The following PTPRD variants were observed in gnomAD, a reference collection of about 807,000 sequenced individuals.
PTPRD encodes protein tyrosine phosphatase receptor type D, also known as receptor-type tyrosine-protein phosphatase delta.
Under a neutral mutation model 214.5 loss-of-function variants are expected in PTPRD, and 34 were observed. That is an observed-to-expected ratio of 0.16 (90% CI 0.12 to 0.21). The LOEUF (loss-of-function observed/expected upper bound fraction) is 0.21. Ranked by LOEUF, PTPRD falls within the 10% of genes least tolerant of loss-of-function variation. PTPRD has a pLI of 1.00. For missense variants in PTPRD, 2,545 were observed against 2,398.7 expected, an observed-to-expected ratio of 1.06 and a Z score of -1.27; for synonymous variants, 1,128 against 845.7, an observed-to-expected ratio of 1.33 and a Z score of -5.79.
At chr9:9,054,125 T>C (rs2099691877) in intron 10 of PTPRD, among the ~76,000 whole-genome samples, 5 of 152,200 alleles carry the variant, frequency 3.3e-5, no homozygotes, top group African/African-American at 7.2e-5. Context: ...GTGAAGCATT[T>C]GCCTGCATCA....
At chr9:10,018,290 C>T (rs573944024) in intron 4 of PTPRD, among the ~76,000 whole-genome samples, 26 of 151,804 alleles carry the variant, frequency 1.7e-4, no homozygotes, top group African/African-American at 6.3e-4. Context: ...GGGATTTTTC[C>T]CTTTCTATCT....
At chr9:10,350,928 G>C in intron 2 of PTPRD, among the ~76,000 whole-genome samples, 1 of 152,066 alleles carries the variant, frequency 6.6e-6, no homozygotes, top group Non-Finnish European at 1.5e-5. Context: ...TCATAAAATG[G>C]TGATGATATA....
chr9:10,418,918 G>C (rs145753900), intron 2 of PTPRD, among the ~76,000 whole-genome samples: 81 of 151,952 alleles, frequency 5.3e-4, no homozygotes, highest in African/African-American at 1.9e-3. Context: ...AGAGGGCCTA[G>C]AGCTGGATCT....
chr9:10,563,433 C>T (rs1223570907), intron 2 of PTPRD, among the ~76,000 whole-genome samples: 3 of 152,150 alleles, frequency 2.0e-5, no homozygotes, highest in African/African-American at 7.2e-5. Context: ...TGTACCCCAA[C>T]AGTCCTAAGA....
At chr9:10,525,324 C>A (rs2053911211) in intron 2 of PTPRD, among the ~76,000 whole-genome samples, 1 of 151,978 alleles carries the variant, frequency 6.6e-6, no homozygotes, top group Non-Finnish European at 1.5e-5. Flanking sequence ...AATGGTTGAA[C>A]AGGATGCCAC....
At chr9:10,211,578 C>T (rs1376069270) in intron 3 of PTPRD, among the ~76,000 whole-genome samples, 2 of 152,200 alleles carry the variant, frequency 1.3e-5, no homozygotes, top group South Asian at 2.1e-4. Context: ...AGAGGTGCTC[C>T]GGAACACAGC....
intron 7 of PTPRD, among the ~76,000 whole-genome samples, chr9:9,651,847 T>G (rs1481439109): frequency 1.5e-5 from 2 of 136,950 alleles, no homozygotes; most frequent in Non-Finnish European, 3.2e-5. Context: ...TTTTTTTTTT[T>G]TTTTTTTAAT....
chr9:8,960,353 C>A (rs953338327), intron 11 of PTPRD, among the ~76,000 whole-genome samples: 1 of 151,990 alleles, frequency 6.6e-6, no homozygotes, highest in Admixed American at 6.6e-5. Flanking sequence ...GGTAGAATAA[C>A]TGGGCTGCCA....
At chr9:8,663,240 G>GT (rs5896252) in intron 12 of PTPRD, among the ~76,000 whole-genome samples, 15,201 of 144,522 alleles carry the variant, frequency 0.11, 883 homozygotes, top group East Asian at 0.19. Context: ...CAAGAATCTT[G>GT]TTTTTTTTCT....
At chr9:8,941,539 T>G (rs2099033889) in intron 11 of PTPRD, among the ~76,000 whole-genome samples, 1 of 152,146 alleles carries the variant, frequency 6.6e-6, no homozygotes, top group East Asian at 1.9e-4. Flanking sequence ...ATAGCCTACT[T>G]TCCTTTTTTA....
chr9:10,267,506 A>C (rs1224579119), intron 3 of PTPRD, among the ~76,000 whole-genome samples: 1 of 152,178 alleles, frequency 6.6e-6, no homozygotes, highest in Admixed American at 6.5e-5. Context: ...CAAATGATTG[A>C]CACCTACTAG....
chr9:10,513,678 T>A (rs1384859448), intron 2 of PTPRD, among the ~76,000 whole-genome samples: 1 of 152,146 alleles, frequency 6.6e-6, no homozygotes, highest in African/African-American at 2.4e-5. Context: ...GTGTGTCACT[T>A]CCTGGTGAAT....
chr9:8,558,117 G>C (rs1055407581), intron 14 of PTPRD, among the ~76,000 whole-genome samples: 1 of 152,084 alleles, frequency 6.6e-6, no homozygotes, highest in Non-Finnish European at 1.5e-5. Flanking sequence ...AAAATGAGAG[G>C]TACAGAGAGA....
chr9:9,236,907 G>C (rs1181081316), intron 9 of PTPRD, among the ~76,000 whole-genome samples: 1 of 152,104 alleles, frequency 6.6e-6, no homozygotes, highest in Non-Finnish European at 1.5e-5. Flanking sequence ...GTCATTTGGA[G>C]TGCTCTGGAT....
chr9:9,966,712 G>C (rs572669698), intron 4 of PTPRD, among the ~76,000 whole-genome samples: 1 of 152,268 alleles, frequency 6.6e-6, no homozygotes, highest in African/African-American at 2.4e-5. Context: ...GCAGATTTCA[G>C]TTGTACACTC....
At chr9:9,608,402 G>C (rs1222433898) in intron 7 of PTPRD, among the ~76,000 whole-genome samples, 4 of 152,008 alleles carry the variant, frequency 2.6e-5, no homozygotes, top group Non-Finnish European at 5.9e-5. Flanking sequence ...TTTAAATCTA[G>C]GCTGTCCAGT....
At chr9:10,518,591 G>A (rs1050850354) in intron 2 of PTPRD, among the ~76,000 whole-genome samples, 17 of 151,286 alleles carry the variant, frequency 1.1e-4, no homozygotes, top group Middle Eastern at 3.4e-3. Context: ...GGAGTGCAGC[G>A]GCCCAATCTT....
At chr9:10,427,578 G>C (rs185212191) in intron 2 of PTPRD, among the ~76,000 whole-genome samples, 1 of 152,080 alleles carries the variant, frequency 6.6e-6, no homozygotes, top group Non-Finnish European at 1.5e-5. Context: ...TTGTCATTCA[G>C]GTAAAACTCA....
At chr9:9,380,129 G>C (rs1474427120) in intron 9 of PTPRD, among the ~76,000 whole-genome samples, 1 of 151,976 alleles carries the variant, frequency 6.6e-6, no homozygotes, top group African/African-American at 2.4e-5. Context: ...TTTGAAGTTA[G>C]CTGTAGGTTA....
Sources: allele counts gnomAD v4.1 joint callset (sites outside exome capture counted in the v4.1 genomes callset), GRCh38; gene constraint gnomAD v4.1.1; transcripts MANE v1.5; gene names NCBI Gene and HGNC (gene_info 2026-07-23, HGNC 2026-07-21).